The following SEMA6A variants were observed in gnomAD, a reference collection of about 807,000 sequenced individuals.
The protein encoded by SEMA6A is semaphorin 6A.
Under a neutral mutation model 96.8 loss-of-function variants are expected in SEMA6A, and 25 were observed. The observed-to-expected ratio is 0.26, with a 90% CI of 0.19 to 0.36. The LOEUF is 0.36. Ranked by LOEUF, SEMA6A falls within the 10% of genes least tolerant of loss-of-function variation. The pLI is 1.00. For synonymous variants in SEMA6A, 612 were observed against 518.0 expected (o/e 1.18, Z -2.46); for missense variants, 1,363 against 1,323.1 (o/e 1.03, Z -0.47).
intron 7 of SEMA6A, among the ~76,000 whole-genome samples, chr5:116,491,391 A>G (rs1484901277): frequency 1.3e-5 from 2 of 150,880 alleles, no homozygotes; most frequent in Non-Finnish European, 2.9e-5. Context: ...ACCTTAAACA[A>G]TAAAGGCACA....
At chr5:116,448,692 A>G (rs1269522374) in intron 18 of SEMA6A, among the ~76,000 whole-genome samples, 1 of 146,614 alleles carries the variant, frequency 6.8e-6, no homozygotes, top group East Asian at 2.0e-4. Context: ...TTTTATTTAC[A>G]CTGAGAGAAT....
Position 116,445,846 on chromosome 5 carries a change from AGAGCTGTTCATAG to A in SEMA6A, c.*754_*766del, listed in dbSNP as rs1175333823. The stretch of plus-strand genomic sequence containing the variant: ...GTTTAACTTTCAATGGGCTTTCTGA[AGAGCTGTTCATAG>A]GATGATATTTGGAAGAGTCCTTTCC... On this transcript the variant is annotated 3_prime_UTR_variant, in exon 19 of 19. Coordinates refer to ENST00000343348, the MANE Select transcript of SEMA6A (RefSeq NM_020796.5). The A allele has an allele frequency of 6.5e-6, 1 of 152,682 alleles. No homozygotes were observed. Among genetic ancestry groups the A allele is most frequent in the Non-Finnish European group, 1.5e-5 (1 of 68,054 alleles). The allele number at this position is 152,682 out of a possible 1,614,324, so 9.5% of individuals were successfully genotyped here.
At chr5:116,455,823 G>C (rs193171267) in intron 18 of SEMA6A, among the ~76,000 whole-genome samples, 1 of 152,266 alleles carries the variant, frequency 6.6e-6, no homozygotes, top group South Asian at 2.1e-4. Flanking sequence ...CTGGGTTTGC[G>C]TGTTGGCTCT....
chr5:116,532,737 AAG>A (rs1759540261), intron 1 of SEMA6A, among the ~76,000 whole-genome samples: 1 of 152,114 alleles, frequency 6.6e-6, no homozygotes. Flanking sequence ...TGAATCAGTA[AAG>A]ACTTATCGGT....
chr5:116,530,094 G>A (rs996475546), intron 1 of SEMA6A, among the ~76,000 whole-genome samples: 1 of 151,838 alleles, frequency 6.6e-6, no homozygotes, highest in Non-Finnish European at 1.5e-5. Context: ...TTCTTTCAGA[G>A]TTGTATTTTG....
chr5:116,465,734 C>A (rs1056169016), intron 18 of SEMA6A, among the ~76,000 whole-genome samples: 1 of 152,194 alleles, frequency 6.6e-6, no homozygotes. Context: ...CACGCTACCC[C>A]TCTCAGTGAA....
intron 15 of SEMA6A, among the ~76,000 whole-genome samples, chr5:116,475,857 T>C (rs1234533492): frequency 6.6e-6 from 1 of 152,262 alleles, no homozygotes; most frequent in East Asian, 1.9e-4. Flanking sequence ...GCTTGCAGAT[T>C]ATTTACATCC....
intron 6 of SEMA6A, among the ~76,000 whole-genome samples, chr5:116,493,728 C>T (rs1322419672): frequency 6.6e-6 from 1 of 152,096 alleles, no homozygotes; most frequent in African/African-American, 2.4e-5. Context: ...CTTGTTGGTG[C>T]GGATTCCAGC....
chr5:116,562,760 G>A (rs890829778), intron 1 of SEMA6A: 5 of 734,064 alleles, frequency 6.8e-6, no homozygotes, highest in Non-Finnish European at 1.3e-5. Context: ...AGACCGAGAT[G>A]AATCTTTGCC....
chr5:116,483,487 G>T (rs1756894593), intron 10 of SEMA6A, among the ~76,000 whole-genome samples: 2 of 152,150 alleles, frequency 1.3e-5, no homozygotes, highest in African/African-American at 4.8e-5. Context: ...TGCAGTGTGG[G>T]AACATCATCC....
intron 1 of SEMA6A, among the ~76,000 whole-genome samples, chr5:116,533,084 G>A (rs1246994085): frequency 2.0e-5 from 3 of 152,058 alleles, no homozygotes; most frequent in African/African-American, 4.8e-5. Flanking sequence ...ACATCTATTT[G>A]GTAAAGTTTT....
intron 1 of SEMA6A, among the ~76,000 whole-genome samples, chr5:116,541,941 T>C (rs998557176): frequency 1.3e-5 from 2 of 152,254 alleles, no homozygotes; most frequent in Admixed American, 1.3e-4. Context: ...TAAGATGCTT[T>C]ATTTATCCAG....
chr5:116,553,195 G>C (rs1370598506), intron 1 of SEMA6A, among the ~76,000 whole-genome samples: 2 of 152,112 alleles, frequency 1.3e-5, no homozygotes, highest in Non-Finnish European at 2.9e-5. Context: ...ACTGTGTTTG[G>C]AAAGTTTTAT....
chr5:116,493,536 T>C (rs1757432411), intron 6 of SEMA6A, among the ~76,000 whole-genome samples: 1 of 152,194 alleles, frequency 6.6e-6, no homozygotes, highest in African/African-American at 2.4e-5. Context: ...ACATCTTAAT[T>C]ACGGAATTTT....
intron 1 of SEMA6A, among the ~76,000 whole-genome samples, chr5:116,559,130 T>C (rs1760713052): frequency 6.6e-6 from 1 of 152,200 alleles, no homozygotes; most frequent in South Asian, 2.1e-4. Flanking sequence ...TATTATGGTA[T>C]GAACCTCCCT....
At chr5:116,537,294 T>C (rs1239634078) in intron 1 of SEMA6A, among the ~76,000 whole-genome samples, 1 of 152,188 alleles carries the variant, frequency 6.6e-6, no homozygotes, top group Non-Finnish European at 1.5e-5. Flanking sequence ...TGACCTTACT[T>C]TGTAAAGAAG....
intron 18 of SEMA6A, among the ~76,000 whole-genome samples, chr5:116,464,863 G>C (rs10077720): frequency 6.6e-6 from 1 of 152,132 alleles, no homozygotes; most frequent in Non-Finnish European, 1.5e-5. Context: ...GCAGAGTAGA[G>C]CCATGGGCAT....
rs745545501 is a variant in SEMA6A, at chr5:116,561,250, G to T, written c.-39+12935C>A. Among the ~76,000 whole-genome samples the T allele has an allele frequency of 3.2e-4, 48 of 152,116 alleles. 1 individual carries two copies. Among genetic ancestry groups the T allele is most frequent in the Non-Finnish European group, 5.6e-4 (38 of 68,022 alleles). ...GAAAAATACAAGCACTATATAAATA[G>T]TCTTTATTATTAATAATAACACCAT... On this transcript the variant is annotated intron_variant, in intron 1 of 18. Transcript: ENST00000343348.
Position 116,446,736 on chromosome 5 carries a change from G to C in SEMA6A, c.2970C>G (p.Asn990Lys), listed in dbSNP as rs150657301. The C allele has an allele frequency of 1.2e-6, 2 of 1,604,006 alleles. No individual in the cohort carries two copies. The highest frequency in any genetic ancestry group is 2.2e-5 in the South Asian group (2 of 89,686). ...CCGACCTTGTCAGTGAGTTGTAGGC[G>C]TTGAGGCTGGGCTGCCTCGAGACAG... ...AVTVSRQPSL[N>K]AYNSLTRSGL... The change falls in exon 19 of 19, where the codon AAC becomes AAG. Residue 990 changes from asparagine (N) to lysine (K), a missense_variant. Physicochemically the swap from Asn to Lys is moderately conservative, Grantham distance 94. Around this residue, in one of 2 missense-constraint regions of SEMA6A, gnomAD observed 883 missense variants for 763.6 expected, o/e 1.16. Transcript: ENST00000343348.
Sources: allele counts gnomAD v4.1 joint callset (sites outside exome capture counted in the v4.1 genomes callset), GRCh38; gene constraint gnomAD v4.1.1; regional missense constraint gnomAD v4.1.1; transcripts MANE v1.5; gene names NCBI Gene and HGNC (gene_info 2026-07-23, HGNC 2026-07-21).